TULP4: variants seen among roughly 807,000 people sequenced by gnomAD.
The protein encoded by TULP4 is tubby-related protein 4.
In TULP4, 16 loss-of-function variants were observed where a neutral mutation model predicts 129.0. The observed-to-expected ratio is 0.12, with a 90% CI of 0.08 to 0.19. The LOEUF is 0.19. Ranked by LOEUF, TULP4 falls within the 10% of genes least tolerant of loss-of-function variation. The pLI, the probability that TULP4 is intolerant of heterozygous loss-of-function variation, is 1.00. For synonymous variants in TULP4, 998 were observed against 854.0 expected (o/e 1.17, Z -2.94); for missense variants, 1,842 against 2,059.1 (o/e 0.89, Z 2.04).
chr6:158,236,471 C>CT (rs934444836), intron 1 of TULP4, among the ~76,000 whole-genome samples: 2 of 151,906 alleles, frequency 1.3e-5, no homozygotes, highest in South Asian at 2.1e-4. Flanking sequence ...TCATGGAATT[C>CT]TTTTTTTTCT....
intron 1 of TULP4, among the ~76,000 whole-genome samples, chr6:158,331,914 G>A (rs1330428067): frequency 1.3e-5 from 2 of 149,018 alleles, no homozygotes. Context: ...GCTCACGCCT[G>A]TAATCCCAGC....
chr6:158,403,567 T>C (rs1777902740), intron 1 of TULP4, among the ~76,000 whole-genome samples: 2 of 152,146 alleles, frequency 1.3e-5, no homozygotes, highest in Non-Finnish European at 2.9e-5. Flanking sequence ...CTTGAACTCC[T>C]GACCTCAGGT....
At chr6:158,321,053 A>T (rs778842708) in intron 1 of TULP4, among the ~76,000 whole-genome samples, 52 of 151,814 alleles carry the variant, frequency 3.4e-4, no homozygotes, top group Non-Finnish European at 5.3e-4. Context: ...TTTATTTTTT[A>T]AAAAAATTTT....
Position 158,240,037 on chromosome 6 carries a change from G to T in TULP4, n.68+7734G>T, listed in dbSNP as rs1281200855. On this transcript the variant is annotated intron_variant and non_coding_transcript_variant, in intron 1 of 1. Coordinates refer to the TULP4 transcript ENST00000620026. Reference sequence around the variant, plus strand: ...CCCGGACGGGGCGGCTGGCCGGGCGGGGGGCTGACCCCCCCACCTCCCTCC... The same window carrying T: ...CCCGGACGGGGCGGCTGGCCGGGCGTGGGGCTGACCCCCCCACCTCCCTCC... 1.3e-4 allele frequency among the ~76,000 whole-genome samples: 15 copies of T among 114,394 alleles called. No individual in the cohort carries two copies. The East Asian group carries it at 1.7e-3, about 13-fold the overall frequency. 75.0% of individuals were successfully genotyped at this position (114,394 alleles called of 152,430 possible).
At chr6:158,323,534 G>GACCA (rs56303624) in intron 1 of TULP4, among the ~76,000 whole-genome samples, 130,837 of 151,832 alleles carry the variant, frequency 0.86, 56,796 homozygotes, top group South Asian at 0.93. Flanking sequence ...CATGCTAGGT[G>GACCA]ACCACATCTA....
At position 158,511,666 on chromosome 6, in the gene TULP4, T is replaced by C. The variant is rs1385157377; in HGVS notation, c.*4972T>C. On this transcript the variant is annotated 3_prime_UTR_variant, in exon 14 of 14. Coordinates refer to ENST00000367097, the MANE Select transcript of TULP4 (RefSeq NM_020245.5). Reference sequence around the variant, plus strand: ...TGTGTATTAGATTGTGCAGGAGATATTCTAGAAGGCATTAATGGTTTGCAT... The same window carrying C: ...TGTGTATTAGATTGTGCAGGAGATACTCTAGAAGGCATTAATGGTTTGCAT... The C allele has an allele frequency of 1.3e-5, 2 of 152,552 alleles. No homozygotes were observed. Among genetic ancestry groups the C allele is most frequent in the Non-Finnish European group, 2.9e-5 (2 of 68,054 alleles). 9.4% of individuals were successfully genotyped at this position (152,552 alleles called of 1,614,324 possible). A position where few individuals can be genotyped will look rare whatever the true frequency, so the allele number is the denominator to read the frequency against.
chr6:158,234,755 A>C (rs1392460942), intron 1 of TULP4, among the ~76,000 whole-genome samples: 3 of 152,222 alleles, frequency 2.0e-5, no homozygotes, highest in Non-Finnish European at 4.4e-5. Flanking sequence ...GACTTCATGG[A>C]ATATGTAATT....
intron 8 of TULP4, among the ~76,000 whole-genome samples, chr6:158,485,825 T>A (rs1316550838): frequency 2.0e-5 from 3 of 152,266 alleles, no homozygotes; most frequent in Non-Finnish European, 2.9e-5. Flanking sequence ...GTCACCACTT[T>A]CGTACTTCCA....
chr6:158,385,143 G>A (rs1239163869), intron 1 of TULP4, among the ~76,000 whole-genome samples: 1 of 152,124 alleles, frequency 6.6e-6, no homozygotes, highest in Non-Finnish European at 1.5e-5. Context: ...TAATTACCAA[G>A]AAAAATAGAA....
rs1778142901 is a variant in TULP4, at chr6:158,413,556, A to G, written c.381+363A>G. Reference sequence around the variant, plus strand: ...CGAAAGGTATCTTCCCTGTGTTGTCATCTCAGCGGTCTCATGGAGAGCTTC... The same window carrying G: ...CGAAAGGTATCTTCCCTGTGTTGTCGTCTCAGCGGTCTCATGGAGAGCTTC... On this transcript the variant is annotated intron_variant, in intron 2 of 13. Transcript: ENST00000367097. This position sits in a 1 kb window ranked among gnomAD's most constrained non-coding sequence, Gnocchi z 4.9. Among the ~76,000 whole-genome samples, 1 of 152,166 alleles carries G rather than the reference A, an allele frequency of 6.6e-6. No individual in the cohort carries two copies. The highest frequency in any genetic ancestry group is 1.5e-5 in the Non-Finnish European group (1 of 68,034).
Position 158,333,775 on chromosome 6 carries a change from T to C in TULP4, c.252+19507T>C, listed in dbSNP as rs895938065. On this transcript the variant is annotated intron_variant, in intron 1 of 13. Transcript: ENST00000367097. The stretch of plus-strand genomic sequence containing the variant: ...AAATAAATGCAGGTACTGTTCTATT[T>C]TGTCATTTACTGGCTACCCTAAAAT... 2.6e-5 allele frequency among the ~76,000 whole-genome samples: 4 copies of C among 152,238 alleles called. No individual in the cohort carries two copies. In the East Asian group the frequency reaches 7.7e-4, roughly 29 times the overall value.
intron 6 of TULP4, among the ~76,000 whole-genome samples, chr6:158,464,995 G>T (rs897606818): frequency 6.6e-6 from 1 of 152,176 alleles, no homozygotes; most frequent in African/African-American, 2.4e-5. Flanking sequence ...TCAACGTGAT[G>T]GTATGTCATA....
chr6:158,379,431 T>C (rs1485999085), intron 1 of TULP4, among the ~76,000 whole-genome samples: 1 of 152,224 alleles, frequency 6.6e-6, no homozygotes, highest in Non-Finnish European at 1.5e-5. Context: ...GACAGAGTGC[T>C]GCAGCAGTTC....
intron 1 of TULP4, among the ~76,000 whole-genome samples, chr6:158,339,199 A>C (rs1049916021): frequency 6.6e-6 from 1 of 152,176 alleles, no homozygotes; most frequent in African/African-American, 2.4e-5. Flanking sequence ...ACATGTCGGC[A>C]GGTTCTGTGA....
chr6:158,238,287 G>A (rs1036237867), intron 1 of TULP4: 24 of 1,120,762 alleles, frequency 2.1e-5, no homozygotes, highest in Non-Finnish European at 2.9e-5. Flanking sequence ...TGCTTTTCAC[G>A]CAGAGCTGGG....
intron 5 of TULP4, among the ~76,000 whole-genome samples, chr6:158,455,980 CAAAG>C (rs1183070450): frequency 6.6e-6 from 1 of 152,042 alleles, no homozygotes; most frequent in African/African-American, 2.4e-5. Flanking sequence ...ATAAGAGACT[CAAAG>C]AAAGGCCACA....
chr6:158,307,794 T>C (rs1359021773), upstream of TULP4, among the ~76,000 whole-genome samples: 1 of 152,158 alleles, frequency 6.6e-6, no homozygotes, highest in African/African-American at 2.4e-5. Flanking sequence ...CTATCATCTT[T>C]GTTGGTCATT....
In TULP4 at chr6:158,509,768, G is replaced by GA. The variant is rs1780693866; in HGVS notation, c.*3075dup. The GA allele has an allele frequency of 6.6e-6, 1 of 152,346 alleles. No homozygotes were observed. The highest frequency in any genetic ancestry group is 2.1e-4 in the South Asian group (1 of 4,824). 9.4% of individuals were successfully genotyped at this position (152,346 alleles called of 1,614,324 possible). On this transcript the variant is annotated 3_prime_UTR_variant, in exon 14 of 14. Transcript: ENST00000367097. The stretch of plus-strand genomic sequence containing the variant: ...TCCCCTCTACCCAGGGGCCTGAAAA[G>GA]AGGGGCTGCCCTCCTGCGCCAAGGC...
chr6:158,415,184 A>G (rs1421805518), intron 2 of TULP4, among the ~76,000 whole-genome samples: 2 of 152,226 alleles, frequency 1.3e-5, no homozygotes, highest in Non-Finnish European at 2.9e-5. Context: ...AGCATGACAC[A>G]TGACTCGTGT....
Sources: allele counts gnomAD v4.1 joint callset (sites outside exome capture counted in the v4.1 genomes callset), GRCh38; gene constraint gnomAD v4.1.1; non-coding constraint Gnocchi (gnomAD v3.1); transcripts MANE v1.5; gene names NCBI Gene and HGNC (gene_info 2026-07-23, HGNC 2026-07-21).